Variants in CNBD1 observed in about 807,000 individuals in gnomAD.
CNBD1 encodes cyclic nucleotide binding domain containing 1.
CNBD1 carries 71 observed loss-of-function variants against 54.4 expected under a neutral mutation model. That is an observed-to-expected ratio of 1.30 (90% CI 1.08 to 1.59). The LOEUF (loss-of-function observed/expected upper bound fraction) is 1.59. Among genes scored for constraint, CNBD1 ranks in the 40% most tolerant of loss-of-function variants. The pLI is 0.00. For missense variants in CNBD1, 659 were observed against 518.0 expected (o/e 1.27, Z -2.64); for synonymous variants, 182 against 170.7 (o/e 1.07, Z -0.51).
intron 4 of CNBD1, among the ~76,000 whole-genome samples, chr8:87,175,558 A>G (rs1813179958): frequency 6.6e-6 from 1 of 152,170 alleles, no homozygotes; most frequent in South Asian, 2.1e-4. Context: ...AAGGCCTTGA[A>G]TGGGAGCTTT....
chr8:87,252,948 G>T (rs888498378), intron 6 of CNBD1, among the ~76,000 whole-genome samples: 4 of 152,084 alleles, frequency 2.6e-5, no homozygotes, highest in African/African-American at 9.7e-5. Context: ...TACGTTTACT[G>T]CAAAGAATCA....
At chr8:87,260,909 G>T (rs975261259) in intron 6 of CNBD1, among the ~76,000 whole-genome samples, 2 of 151,844 alleles carry the variant, frequency 1.3e-5, no homozygotes, top group Non-Finnish European at 2.9e-5. Flanking sequence ...TAAAATATTG[G>T]CTTTACTCTC....
intron 10 of CNBD1, among the ~76,000 whole-genome samples, chr8:87,380,343 T>G (rs564671416): frequency 6.6e-6 from 1 of 152,016 alleles, no homozygotes; most frequent in Non-Finnish European, 1.5e-5. Context: ...CATGGATTTA[T>G]TTCTGTATTT....
At chr8:86,960,446 A>G (rs1352542658) in intron 4 of CNBD1, among the ~76,000 whole-genome samples, 2 of 152,142 alleles carry the variant, frequency 1.3e-5, no homozygotes, top group Non-Finnish European at 2.9e-5. Flanking sequence ...AGGGGCGTCC[A>G]CTGTCACTGA....
In CNBD1 at chr8:87,072,806, A is replaced by G. The variant is rs74565939; in HGVS notation, c.431+133052A>G. Among the ~76,000 whole-genome samples the G allele has an allele frequency of 4.2e-3, 629 of 151,244 alleles. 6 individuals carry two copies. Among genetic ancestry groups the G allele is most frequent in the African/African-American group, 0.014 (595 of 41,178 alleles). ...TGTCTTGGGGTTGATTTTCTCGTGT[A>G]GGATCTTACTGGGATTATCTGCATT... is the stretch of plus-strand genomic sequence containing the variant. On this transcript the variant is annotated intron_variant, in intron 4 of 10. Transcript: ENST00000518476.
chr8:87,247,839 T>C (rs1301715051), intron 6 of CNBD1, among the ~76,000 whole-genome samples: 2 of 152,186 alleles, frequency 1.3e-5, no homozygotes, highest in Non-Finnish European at 2.9e-5. Context: ...TAAGTTCAGG[T>C]GACATTTTTC....
At chr8:86,954,485 A>G (rs1807708162) in intron 4 of CNBD1, among the ~76,000 whole-genome samples, 1 of 152,236 alleles carries the variant, frequency 6.6e-6, no homozygotes, top group South Asian at 2.1e-4. Flanking sequence ...ATCAATTTTT[A>G]CAAACCTTGC....
intron 4 of CNBD1, among the ~76,000 whole-genome samples, chr8:86,965,254 A>G (rs1399058591): frequency 6.6e-6 from 1 of 152,224 alleles, no homozygotes; most frequent in Non-Finnish European, 1.5e-5. Flanking sequence ...AGGAAAGACT[A>G]AGGTCCTAGC....
At chr8:87,024,844 C>T (rs1444664590) in intron 4 of CNBD1, among the ~76,000 whole-genome samples, 1 of 152,086 alleles carries the variant, frequency 6.6e-6, no homozygotes, top group South Asian at 2.1e-4. Flanking sequence ...CTACCTAAGA[C>T]TGTACAAATA....
intron 3 of CNBD1, among the ~76,000 whole-genome samples, chr8:86,912,619 A>G (rs1809117101): frequency 6.6e-6 from 1 of 152,230 alleles, no homozygotes; most frequent in Admixed American, 6.5e-5. Context: ...AGTACATAAT[A>G]CTTGATAATG....
chr8:87,317,572 G>A (rs10091462), intron 8 of CNBD1, among the ~76,000 whole-genome samples: 57,678 of 151,224 alleles, frequency 0.38, 11,232 homozygotes, highest in Middle Eastern at 0.45. Context: ...TTTTCATTTA[G>A]TGGCTTTGAA....
At chr8:87,003,687 G>A (rs1360206160) in intron 4 of CNBD1, among the ~76,000 whole-genome samples, 2 of 152,182 alleles carry the variant, frequency 1.3e-5, no homozygotes. Flanking sequence ...GATATGAGAA[G>A]CCAAATAACA....
chr8:87,127,815 G>A (rs567916352), intron 4 of CNBD1, among the ~76,000 whole-genome samples: 2 of 152,220 alleles, frequency 1.3e-5, no homozygotes, highest in East Asian at 3.9e-4. Flanking sequence ...CTGGGTAGAA[G>A]AGGATGGTTC....
At chr8:87,116,928 A>T (rs1360857608) in intron 4 of CNBD1, among the ~76,000 whole-genome samples, 1 of 152,080 alleles carries the variant, frequency 6.6e-6, no homozygotes, top group African/African-American at 2.4e-5. Flanking sequence ...GTCTATTATT[A>T]TATTTCTTAT....
At chr8:87,057,520 CT>C (rs1382089677) in intron 4 of CNBD1, among the ~76,000 whole-genome samples, 1 of 152,174 alleles carries the variant, frequency 6.6e-6, no homozygotes. Flanking sequence ...CATTCTGCCC[CT>C]GGCCCCTTCC....
chr8:87,367,090 A>T (rs577931571), intron 10 of CNBD1, among the ~76,000 whole-genome samples: 1 of 151,922 alleles, frequency 6.6e-6, no homozygotes, highest in African/African-American at 2.4e-5. Context: ...TACCATTGGG[A>T]CTTTATCCTG....
At position 87,367,616 on chromosome 8, in the gene CNBD1, T is replaced by G. The variant is rs544822501; in HGVS notation, c.1303+13830T>G. 3.3e-5 allele frequency among the ~76,000 whole-genome samples: 5 copies of G among 152,278 alleles called. No homozygotes were observed. In the East Asian group the frequency reaches 7.8e-4, roughly 24 times the overall value. On this transcript the variant is annotated intron_variant, in intron 10 of 10. Coordinates refer to ENST00000518476, the MANE Select transcript of CNBD1 (RefSeq NM_173538.3). Reference sequence around the variant, plus strand: ...CCCACTTTTTAATTACCTTGAAGTATTCACTGTGTTCCACACATTATTCTA... The same window carrying G: ...CCCACTTTTTAATTACCTTGAAGTAGTCACTGTGTTCCACACATTATTCTA...
intron 8 of CNBD1, among the ~76,000 whole-genome samples, chr8:87,301,192 A>T (rs537439693): frequency 1.3e-5 from 2 of 152,262 alleles, no homozygotes; most frequent in Middle Eastern, 3.4e-3. Context: ...AAGCAGCAAG[A>T]TTGAAATGGT....
At chr8:87,334,652 G>T (rs1167281496) in intron 8 of CNBD1, among the ~76,000 whole-genome samples, 1 of 150,666 alleles carries the variant, frequency 6.6e-6, no homozygotes, top group Non-Finnish European at 1.5e-5. Flanking sequence ...TCAGGAGCAA[G>T]TTGTTCAATT....
Sources: gnomAD v4.1 joint callset for allele counts (sites outside exome capture counted in the v4.1 genomes callset) on GRCh38, gnomAD v4.1.1 for gene constraint, MANE v1.5 for transcripts, NCBI Gene and HGNC (gene_info 2026-07-23, HGNC 2026-07-21) for gene names.